Variants in CTNNA2 observed in about 807,000 individuals in gnomAD.
The protein encoded by CTNNA2 is catenin alpha 2, also known as catenin alpha-2.
In CTNNA2, 42 loss-of-function variants were observed where a neutral mutation model predicts 101.0. That is an observed-to-expected ratio of 0.42 (90% CI 0.32 to 0.54). The LOEUF is 0.54. CTNNA2 is among the 20% of genes least tolerant of loss of function. CTNNA2 has a pLI of 0.14. For synonymous variants in CTNNA2, 450 were observed against 456.4 expected (o/e 0.99, Z 0.18); for missense variants, 871 against 1,223.1 (o/e 0.71, Z 4.29).
At chr2:79,269,233 G>T (rs1051738373) in intron 2 of CTNNA2, among the ~76,000 whole-genome samples, 1 of 152,122 alleles carries the variant, frequency 6.6e-6, no homozygotes, top group Non-Finnish European at 1.5e-5. Flanking sequence ...TGATCCCACA[G>T]CAAAGATCTT....
intron 2 of CTNNA2, among the ~76,000 whole-genome samples, chr2:79,304,574 C>T (rs1008633170): frequency 5.9e-5 from 9 of 152,094 alleles, no homozygotes; most frequent in South Asian, 2.1e-4. Context: ...ACTCATAAAC[C>T]GAAGGATTAA....
rs553661355 is a variant in CTNNA2, at chr2:79,279,821, T to C, written c.-405-32888T>C. ...GAACAAAATAGAACCTTTCCATTAG[T>C]CTAGGATATTCTGTTTTGTTCATTC... On this transcript the variant is annotated intron_variant, in intron 2 of 21. Coordinates refer to the CTNNA2 transcript ENST00000466387. Among the ~76,000 whole-genome samples, 31 of 152,162 alleles carry C rather than the reference T, an allele frequency of 2.0e-4. 1 individual carries two copies. The South Asian group carries it at 6.4e-3, about 32-fold the overall frequency.
At chr2:80,162,501 C>A in intron 7 of CTNNA2, 13 of 1,602,852 alleles carry the variant, frequency 8.1e-6, no homozygotes, top group Non-Finnish European at 1.0e-5. Context: ...CTTCTGTTAT[C>A]ATAGTCATGG....
chr2:79,672,122 T>C (rs1413249452), intron 2 of CTNNA2, among the ~76,000 whole-genome samples: 3 of 152,232 alleles, frequency 2.0e-5, no homozygotes, highest in African/African-American at 4.8e-5. Context: ...TTTAAAAATA[T>C]GTTTTTCAAC....
chr2:80,211,181 A>G (rs1194180369), intron 7 of CTNNA2, among the ~76,000 whole-genome samples: 1 of 152,134 alleles, frequency 6.6e-6, no homozygotes, highest in Non-Finnish European at 1.5e-5. Context: ...GTTCACTCTA[A>G]TGATAGTTTC....
intron 7 of CTNNA2, among the ~76,000 whole-genome samples, chr2:80,367,827 G>T (rs1312687058): frequency 4.6e-5 from 7 of 152,004 alleles, no homozygotes; most frequent in Admixed American, 2.6e-4. Flanking sequence ...TTGTTGGTTT[G>T]TTTTTATCAT....
chr2:79,780,042 G>T (rs1573949739), intron 3 of CTNNA2, among the ~76,000 whole-genome samples: 1 of 151,970 alleles, frequency 6.6e-6, no homozygotes, highest in African/African-American at 2.4e-5. Flanking sequence ...ATAAAACTTT[G>T]GTCTCCACAA....
intron 7 of CTNNA2, among the ~76,000 whole-genome samples, chr2:80,135,188 A>T (rs1475539758): frequency 6.6e-6 from 1 of 152,176 alleles, no homozygotes; most frequent in Admixed American, 6.5e-5. Flanking sequence ...TTCAGGGCCA[A>T]CAGAGAGAGA....
At chr2:80,306,046 C>G (rs1375487308) in intron 7 of CTNNA2, among the ~76,000 whole-genome samples, 1 of 152,180 alleles carries the variant, frequency 6.6e-6, no homozygotes, top group Non-Finnish European at 1.5e-5. Flanking sequence ...TCCTTAGCAT[C>G]TAAGCTGAAG....
intron 12 of CTNNA2, 115 bp downstream of exon 12, chr2:80,556,008 T>G (rs1692998093): frequency 4.6e-6 from 3 of 656,252 alleles, no homozygotes; most frequent in South Asian, 8.3e-5. Context: ...TTGCACATAA[T>G]TGTGGAATGG....
intron 1 of CTNNA2, among the ~76,000 whole-genome samples, chr2:79,594,881 G>T (rs1219677296): frequency 1.3e-5 from 2 of 151,748 alleles, no homozygotes; most frequent in African/African-American, 4.8e-5. Context: ...AACAACAAAA[G>T]AAGGAAAAAA....
chr2:79,426,233 A>G (rs1374178949), intron 4 of CTNNA2, among the ~76,000 whole-genome samples: 1 of 152,170 alleles, frequency 6.6e-6, no homozygotes, highest in African/African-American at 2.4e-5. Flanking sequence ...TTATTTGAGT[A>G]AATATGATGG....
chr2:79,997,042 T>A (rs763871730), intron 7 of CTNNA2, among the ~76,000 whole-genome samples: 4 of 151,888 alleles, frequency 2.6e-5, no homozygotes, highest in Non-Finnish European at 5.9e-5. Flanking sequence ...CCCAGCAAAT[T>A]TTACCCCCTC....
At chr2:79,877,385 C>G (rs933948905) in intron 6 of CTNNA2, among the ~76,000 whole-genome samples, 1 of 152,116 alleles carries the variant, frequency 6.6e-6, no homozygotes, top group African/African-American at 2.4e-5. Context: ...ATGTGATTCA[C>G]CTGCTGTAGA....
Position 79,696,861 on chromosome 2 carries a change from G to A in CTNNA2, c.102+45203G>A, listed in dbSNP as rs538527312. Among the ~76,000 whole-genome samples, 6 of 152,096 alleles carry A rather than the reference G, an allele frequency of 3.9e-5. No homozygotes were observed. In the East Asian group the frequency reaches 1.2e-3, roughly 29 times the overall value. ...TTTTGGCAAATCAGTATGGGTCTTT[G>A]AACTAAGAAAAGCAGGTTTCAACAG... On this transcript the variant is annotated intron_variant, in intron 2 of 18. Transcript: ENST00000402739.
At chr2:79,286,596 G>A (rs1486739000) in intron 2 of CTNNA2, among the ~76,000 whole-genome samples, 1 of 152,118 alleles carries the variant, frequency 6.6e-6, no homozygotes, top group Non-Finnish European at 1.5e-5. Flanking sequence ...CTCTCTTCTG[G>A]CTTGTAGAGT....
At chr2:79,397,846 A>G (rs1678249468) in intron 4 of CTNNA2, among the ~76,000 whole-genome samples, 1 of 151,962 alleles carries the variant, frequency 6.6e-6, no homozygotes, top group Non-Finnish European at 1.5e-5. Context: ...TTTCTTGTAG[A>G]GACAGTGTCT....
At chr2:79,649,369 C>T (rs759925236) in intron 1 of CTNNA2, 1 of 154,732 alleles carries the variant, frequency 6.5e-6, no homozygotes, top group African/African-American at 2.4e-5. Context: ...TCCTACAGAA[C>T]TTCCGTGTTC....
At chr2:79,573,434 A>G (rs1424520034) in intron 1 of CTNNA2, among the ~76,000 whole-genome samples, 1 of 152,214 alleles carries the variant, frequency 6.6e-6, no homozygotes, top group Non-Finnish European at 1.5e-5. Flanking sequence ...TTAAAGCCTG[A>G]AATATACCTA....
Sources: gnomAD v4.1 joint callset for allele counts (sites outside exome capture counted in the v4.1 genomes callset) on GRCh38, gnomAD v4.1.1 for gene constraint, MANE v1.5 for transcripts, NCBI Gene and HGNC (gene_info 2026-07-23, HGNC 2026-07-21) for gene names.